The following EYS variants were observed in gnomAD, a reference collection of about 807,000 sequenced individuals.
EYS encodes protein eyes shut homolog.
A neutral mutation model predicts 282.1 loss-of-function variants in EYS; 250 were observed. The ratio of observed to expected loss-of-function variants is 0.89; its 90% CI spans 0.80 to 0.98. The LOEUF (loss-of-function observed/expected upper bound fraction) is 0.98, where lower values mean the gene tolerates loss of function less well. EYS is among the 50% of genes least tolerant of loss of function. The pLI is 0.00. For synonymous variants in EYS, 1,355 were observed against 1,282.9 expected, an observed-to-expected ratio of 1.06 and a Z score of -1.20; for missense variants, 4,016 against 3,709.0, an observed-to-expected ratio of 1.08 and a Z score of -2.15.
At chr6:65,511,739 C>T (rs1371562855) in intron 2 of EYS, among the ~76,000 whole-genome samples, 16 of 151,932 alleles carry the variant, frequency 1.1e-4, no homozygotes, top group African/African-American at 2.7e-4. Context: ...GCTCACTTGA[C>T]GTCAGAAGTT....
rs148964825 is a variant in EYS, at chr6:65,405,707, G to A, written c.863-340C>T. On this transcript the variant is annotated intron_variant, in intron 5 of 42. Transcript: ENST00000503581. ...TATGATGGAGTATTTGGTCTTTTGC[G>A]ACTGGCTTCTTTTGCATAGCAATTT... Among the ~76,000 whole-genome samples the A allele has an allele frequency of 1.3e-4, 20 of 152,048 alleles. No individual in the cohort carries two copies. In the East Asian group the frequency reaches 3.3e-3, roughly 25 times the overall value.
At chr6:64,026,592 C>A (rs1769527227) in intron 33 of EYS, among the ~76,000 whole-genome samples, 1 of 152,132 alleles carries the variant, frequency 6.6e-6, no homozygotes. Context: ...GAGTGAAATA[C>A]CTTATGTCCA....
rs1582130534 is a variant in EYS, at chr6:65,312,764, T to C, written c.1767-16645A>G. On this transcript the variant is annotated intron_variant, in intron 11 of 42. Transcript: ENST00000503581. ...TTATCACAGTATGCTCTCAGGAACA[T>C]GGGGGCAGAGCTTCAACGTTAAACA... 2.6e-5 allele frequency among the ~76,000 whole-genome samples: 4 copies of C among 152,284 alleles called. No homozygotes were observed. In the East Asian group the frequency reaches 7.7e-4, roughly 29 times the overall value.
At chr6:64,488,508 T>G (rs1414447674) in intron 26 of EYS, among the ~76,000 whole-genome samples, 1 of 151,102 alleles carries the variant, frequency 6.6e-6, no homozygotes, top group Non-Finnish European at 1.5e-5. Context: ...AGATGAGTAT[T>G]CACTATTTAT....
intron 19 of EYS, 80 bp downstream of exon 19, chr6:64,886,617 G>T: frequency 1.7e-6 from 2 of 1,191,038 alleles, no homozygotes; most frequent in Non-Finnish European, 2.2e-6. Context: ...ATTATTTCAG[G>T]TTTTGGAGTA....
chr6:65,048,306 A>G (rs749741903), intron 13 of EYS, among the ~76,000 whole-genome samples: 1 of 151,824 alleles, frequency 6.6e-6, no homozygotes, highest in African/African-American at 2.4e-5. Flanking sequence ...ACTAAACTCC[A>G]CTGAAAACTC....
Position 64,371,625 on chromosome 6 carries a change from A to G in EYS, c.6078+17065T>C, listed in dbSNP as rs78222751. ...TGTCAATGGGGTGTTCAAGTCTTCC[A>G]CTATTATTCTGTGGTCATCTAAGTC... On this transcript the variant is annotated intron_variant, in intron 29 of 42. Coordinates refer to ENST00000503581, the MANE Select transcript of EYS (RefSeq NM_001142800.2). 4.3e-3 allele frequency among the ~76,000 whole-genome samples: 652 copies of G among 152,248 alleles called. 5 individuals carry two copies. Among genetic ancestry groups the G allele is most frequent in the African/African-American group, 0.015 (614 of 41,522 alleles).
intron 31 of EYS, among the ~76,000 whole-genome samples, chr6:64,227,309 G>T (rs2150336332): frequency 6.6e-6 from 1 of 151,662 alleles, no homozygotes; most frequent in Middle Eastern, 3.4e-3. Flanking sequence ...AACTTCTTTG[G>T]TTTGACGATT....
intron 33 of EYS, among the ~76,000 whole-genome samples, chr6:64,020,426 T>C (rs1005313390): frequency 1.3e-5 from 2 of 152,178 alleles, no homozygotes; most frequent in African/African-American, 4.8e-5. Context: ...ATTTGTTTAC[T>C]TAACTAAAAA....
intron 12 of EYS, among the ~76,000 whole-genome samples, chr6:65,170,759 G>A (rs935292152): frequency 4.0e-5 from 6 of 151,282 alleles, no homozygotes; most frequent in Non-Finnish European, 5.9e-5. Flanking sequence ...TACTACTAAG[G>A]ATCAAGGAAA....
chr6:64,658,368 C>T (rs949876092), intron 22 of EYS, among the ~76,000 whole-genome samples: 5 of 152,180 alleles, frequency 3.3e-5, no homozygotes, highest in African/African-American at 7.2e-5. Context: ...AGTCATTCTC[C>T]GTCCAGCATT....
chr6:65,702,845 C>G (rs556692815), intron 1 of EYS, among the ~76,000 whole-genome samples: 1 of 152,028 alleles, frequency 6.6e-6, no homozygotes, highest in Non-Finnish European at 1.5e-5. Context: ...GTCAACTTGG[C>G]TAGGCCATGG....
chr6:65,199,967 T>A (rs1158216823), intron 12 of EYS, among the ~76,000 whole-genome samples: 1 of 151,714 alleles, frequency 6.6e-6, no homozygotes, highest in East Asian at 1.9e-4. Flanking sequence ...TATAAACAGA[T>A]TATATTGGGG....
At chr6:65,584,538 A>T (rs1484796310) in intron 2 of EYS, among the ~76,000 whole-genome samples, 1 of 151,984 alleles carries the variant, frequency 6.6e-6, no homozygotes, top group Non-Finnish European at 1.5e-5. Context: ...TTCAAACAAA[A>T]ATTTGAAGAA....
intron 2 of EYS, among the ~76,000 whole-genome samples, chr6:65,560,785 T>C (rs915711609): frequency 6.6e-6 from 1 of 152,000 alleles, no homozygotes; most frequent in Non-Finnish European, 1.5e-5. Flanking sequence ...ATAAAGTGAG[T>C]ATGTATATTA....
chr6:64,392,801 G>A (rs1773202682), intron 28 of EYS, among the ~76,000 whole-genome samples: 2 of 151,156 alleles, frequency 1.3e-5, no homozygotes, highest in Non-Finnish European at 2.9e-5. Context: ...AGGAAATAGA[G>A]ACACAAAAAA....
At chr6:64,151,480 C>A (rs1774734612) in intron 31 of EYS, among the ~76,000 whole-genome samples, 1 of 150,566 alleles carries the variant, frequency 6.6e-6, no homozygotes, top group Admixed American at 6.6e-5. Context: ...TGTGCCTCAG[C>A]CTCCCTAGTA....
intron 12 of EYS, among the ~76,000 whole-genome samples, chr6:65,070,936 T>G (rs72877891): frequency 6.6e-6 from 1 of 152,066 alleles, no homozygotes; most frequent in Non-Finnish European, 1.5e-5. Flanking sequence ...ATGATAATAT[T>G]AAATTGCATT....
chr6:64,697,841 C>T (rs1378468828), intron 22 of EYS, among the ~76,000 whole-genome samples: 1 of 152,068 alleles, frequency 6.6e-6, no homozygotes, highest in Non-Finnish European at 1.5e-5. Context: ...ACTCAGGCGG[C>T]TGAGGCAGGA....
Sources: allele counts gnomAD v4.1 joint callset (sites outside exome capture counted in the v4.1 genomes callset), GRCh38; gene constraint gnomAD v4.1.1; transcripts MANE v1.5; gene names NCBI Gene and HGNC (gene_info 2026-07-23, HGNC 2026-07-21).